SYCP2L: variants seen among roughly 807,000 people sequenced by gnomAD.
SYCP2L encodes synaptonemal complex protein 2 like.
A neutral mutation model predicts 125.8 loss-of-function variants in SYCP2L; 98 were observed. That is an observed-to-expected ratio of 0.78 (90% CI 0.66 to 0.92). The LOEUF (loss-of-function observed/expected upper bound fraction) is 0.92, where lower values mean the gene tolerates loss of function less well. Among genes scored for constraint, SYCP2L ranks in the 40% least tolerant of loss-of-function variants. SYCP2L has a pLI of 0.00. For synonymous variants in SYCP2L, 317 were observed against 325.4 expected (o/e 0.97, Z 0.28); for missense variants, 842 against 936.4 (o/e 0.90, Z 1.32).
At chr6:10,956,044 A>G (rs978913224) in intron 24 of SYCP2L, 92 bp from the exon 25 acceptor site, 9 of 1,056,434 alleles carry the variant, frequency 8.5e-6, no homozygotes, top group African/African-American at 1.6e-5. Context: ...CTGTGCTTCC[A>G]AATAACTCAT....
chr6:10,925,089 A>C (rs12660080), intron 15 of SYCP2L, among the ~76,000 whole-genome samples: 7 of 152,164 alleles, frequency 4.6e-5, no homozygotes, highest in African/African-American at 1.4e-4. Flanking sequence ...ACAGTTCAAC[A>C]TGGCTGGGGA....
chr6:10,928,151 T>C lies in SYCP2L; in HGVS notation c.1441-252T>C, dbSNP rs1356360352. Reference sequence around the variant, plus strand: ...TCACAGGGTCCTGAGGTGACATACATCCTCCTCAGCTGACAGGATTAAGAG... The same window carrying C: ...TCACAGGGTCCTGAGGTGACATACACCCTCCTCAGCTGACAGGATTAAGAG... On this transcript the variant is annotated intron_variant, in intron 17 of 29. Coordinates refer to ENST00000283141, the MANE Select transcript of SYCP2L (RefSeq NM_001040274.3). 2.0e-5 allele frequency among the ~76,000 whole-genome samples: 3 copies of C among 151,344 alleles called. No individual in the cohort carries two copies. The South Asian group carries it at 6.3e-4, about 32-fold the overall frequency.
intron 1 of SYCP2L, among the ~76,000 whole-genome samples, chr6:10,891,035 A>G (rs1018041899): frequency 1.3e-5 from 2 of 152,218 alleles, no homozygotes; most frequent in Non-Finnish European, 1.5e-5. Flanking sequence ...CCATTGGTCT[A>G]CATATGTGTC....
intron 6 of SYCP2L, among the ~76,000 whole-genome samples, chr6:10,902,348 G>A (rs912954468): frequency 1.3e-5 from 2 of 152,108 alleles, no homozygotes; most frequent in African/African-American, 4.8e-5. Context: ...AGAATTACCT[G>A]GCTTGAAATA....
chr6:10,892,104 C>T (rs1780184441), intron 2 of SYCP2L, among the ~76,000 whole-genome samples: 1 of 152,106 alleles, frequency 6.6e-6, no homozygotes, highest in Admixed American at 6.5e-5. Flanking sequence ...TGAGTGGAAC[C>T]AGCCATGTGG....
chr6:10,925,332 A>G (rs963562941), intron 15 of SYCP2L, among the ~76,000 whole-genome samples: 1 of 152,236 alleles, frequency 6.6e-6, no homozygotes, highest in Admixed American at 6.5e-5. Context: ...GGGTGGGGAC[A>G]CAGCCAGACT....
At chr6:10,958,548 A>G (rs575574518) in intron 25 of SYCP2L, among the ~76,000 whole-genome samples, 1 of 152,248 alleles carries the variant, frequency 6.6e-6, no homozygotes, top group Admixed American at 6.5e-5. Flanking sequence ...CAAATATGCA[A>G]ACTATATCAG....
intron 14 of SYCP2L, among the ~76,000 whole-genome samples, chr6:10,914,662 CTA>C (rs1236717751): frequency 6.6e-6 from 1 of 150,620 alleles, no homozygotes; most frequent in African/African-American, 2.5e-5. Context: ...TTTGTGTCGT[CTA>C]TGATTTCTTT....
At chr6:10,889,781 C>G (rs182463540) in intron 1 of SYCP2L, among the ~76,000 whole-genome samples, 1 of 152,030 alleles carries the variant, frequency 6.6e-6, no homozygotes, top group Admixed American at 6.6e-5. Context: ...CCACCCTGCC[C>G]GGATAATTTT....
chr6:10,903,859 A>T (rs537292169), intron 8 of SYCP2L, among the ~76,000 whole-genome samples: 7 of 152,250 alleles, frequency 4.6e-5, no homozygotes, highest in African/African-American at 1.7e-4. Flanking sequence ...TGTGAGGCAA[A>T]ATGTTTTCTC....
At chr6:10,923,771 C>G (rs1377819549) in intron 14 of SYCP2L, among the ~76,000 whole-genome samples, 1 of 151,250 alleles carries the variant, frequency 6.6e-6, no homozygotes, top group Non-Finnish European at 1.5e-5. Flanking sequence ...GCAAGCTCCG[C>G]CTCCTGGGTT....
intron 20 of SYCP2L, among the ~76,000 whole-genome samples, chr6:10,934,649 T>C (rs112686293): frequency 0.041 from 6,264 of 152,266 alleles, 327 homozygotes; most frequent in East Asian, 0.22. Flanking sequence ...TACTGCACTC[T>C]AGCCTGGGTG....
chr6:10,957,540 G>A (rs1365466855), intron 25 of SYCP2L, among the ~76,000 whole-genome samples: 1 of 152,126 alleles, frequency 6.6e-6, no homozygotes, highest in East Asian at 1.9e-4. Context: ...GGCCGGGCAT[G>A]GTGATTCATG....
At chr6:10,919,138 G>A (rs796492265) in intron 14 of SYCP2L, among the ~76,000 whole-genome samples, 10 of 152,232 alleles carry the variant, frequency 6.6e-5, no homozygotes, top group African/African-American at 2.4e-4. Context: ...TTTGGAGGGT[G>A]TTAAAGAACC....
chr6:10,910,426 T>A (rs1242675787), intron 11 of SYCP2L, among the ~76,000 whole-genome samples: 1 of 152,224 alleles, frequency 6.6e-6, no homozygotes, highest in African/African-American at 2.4e-5. Context: ...TTTATTATAT[T>A]TGTGACTTGG....
chr6:10,956,634 CTTT>C (rs1273500421), intron 25 of SYCP2L, among the ~76,000 whole-genome samples: 1 of 151,964 alleles, frequency 6.6e-6, no homozygotes, highest in East Asian at 1.9e-4. Context: ...ATTAAAAAAT[CTTT>C]TTTTAAGTAG....
chr6:10,956,571 G>C (rs1781505653), intron 25 of SYCP2L, among the ~76,000 whole-genome samples: 2 of 152,128 alleles, frequency 1.3e-5, no homozygotes, highest in African/African-American at 4.8e-5. Flanking sequence ...CACCCCCCAA[G>C]AAGGTAACTG....
At chr6:10,923,432 C>T (rs1229351900) in intron 14 of SYCP2L, among the ~76,000 whole-genome samples, 3 of 129,164 alleles carry the variant, frequency 2.3e-5, no homozygotes, top group African/African-American at 9.0e-5. Context: ...GTCACCCAGG[C>T]TGGAGTGCAG....
intron 28 of SYCP2L, 25 bp downstream of exon 28, chr6:10,961,583 G>T: frequency 1.9e-6 from 3 of 1,612,628 alleles, no homozygotes; most frequent in South Asian, 1.1e-5. Context: ...GTTCTTTCTA[G>T]AAGAATCTTG....
Sources: allele counts gnomAD v4.1 joint callset (sites outside exome capture counted in the v4.1 genomes callset), GRCh38; gene constraint gnomAD v4.1.1; transcripts MANE v1.5; gene names NCBI Gene and HGNC (gene_info 2026-07-23, HGNC 2026-07-21).